CHKA: variants seen among roughly 807,000 people sequenced by gnomAD.
CHKA encodes the protein CHETK-alpha.
A neutral mutation model predicts 60.1 loss-of-function variants in CHKA; 34 were observed. The ratio of observed to expected loss-of-function variants is 0.57; its 90% confidence interval spans 0.43 to 0.75. The LOEUF (loss-of-function observed/expected upper bound fraction) is 0.75, where lower values mean the gene tolerates loss of function less well. CHKA is among the 30% of genes least tolerant of loss of function. The pLI, the probability that CHKA is intolerant of heterozygous loss-of-function variation, is 0.00. For missense variants in CHKA, 563 were observed against 561.3 expected (o/e 1.00, Z -0.03); for synonymous variants, 217 against 223.1 (o/e 0.97, Z 0.24).
chr11:68,064,449 T>C, intron 10 of CHKA, 76 bp downstream of exon 10: 3 of 689,494 alleles, frequency 4.4e-6, no homozygotes, highest in Non-Finnish European at 7.2e-6. Flanking sequence ...TACTCCTAAT[T>C]GCAAGTCAGC....
chr11:68,119,345 GA>G (rs369739738), intron 1 of CHKA, among the ~76,000 whole-genome samples: 78 of 152,314 alleles, frequency 5.1e-4, no homozygotes, highest in African/African-American at 1.8e-3. Flanking sequence ...AGTGGGCACA[GA>G]AAAGGAATCA....
At position 68,098,590 on chromosome 11, in the gene CHKA, G is replaced by C. The variant is rs149492682; in HGVS notation, c.351-1460C>G. Reference sequence around the variant, plus strand: ...CTGGAGACGGATGGTGGTGATGGCAGCACAACAATGAATGTACTTAATGCC... The same window carrying C: ...CTGGAGACGGATGGTGGTGATGGCACCACAACAATGAATGTACTTAATGCC... On this transcript the variant is annotated intron_variant, in intron 1 of 11. Transcript: ENST00000265689. Among the ~76,000 whole-genome samples, 714 of 152,284 alleles carry C rather than the reference G, an allele frequency of 4.7e-3. 6 individuals are homozygous for C. The highest frequency in any genetic ancestry group is 0.017 in the African/African-American group (692 of 41,554).
chr11:68,067,887 A>G (rs998121417), intron 7 of CHKA, among the ~76,000 whole-genome samples: 2 of 152,216 alleles, frequency 1.3e-5, no homozygotes, highest in Non-Finnish European at 2.9e-5. Flanking sequence ...ACGAGTCTTC[A>G]TGAGAAACTG....
intron 2 of CHKA, among the ~76,000 whole-genome samples, chr11:68,090,861 T>C (rs1356307168): frequency 6.6e-6 from 1 of 152,160 alleles, no homozygotes; most frequent in African/African-American, 2.4e-5. Context: ...ATCTCTCCAC[T>C]CATGCACAGA....
intron 4 of CHKA, among the ~76,000 whole-genome samples, chr11:68,071,482 G>A (rs894620908): frequency 9.9e-5 from 15 of 152,226 alleles, no homozygotes; most frequent in African/African-American, 2.4e-4. Context: ...AAATCAGCCC[G>A]AGGCCATGCT....
intron 1 of CHKA, among the ~76,000 whole-genome samples, chr11:68,114,310 T>C (rs146676304): frequency 0.01 from 1,599 of 152,310 alleles, 12 homozygotes; most frequent in Non-Finnish European, 0.015. Flanking sequence ...AACCCAGATG[T>C]CCTTCAGTAG....
chr11:68,066,964 G>A (rs1349532310), intron 7 of CHKA, among the ~76,000 whole-genome samples: 1 of 152,164 alleles, frequency 6.6e-6, no homozygotes, highest in Non-Finnish European at 1.5e-5. Context: ...CTCCTGGTAA[G>A]AAAGGCAAGG....
intron 2 of CHKA, 171 bp from the exon 3 acceptor site, chr11:68,081,628 A>G (rs1856992249): frequency 5.2e-6 from 3 of 577,192 alleles, no homozygotes; most frequent in South Asian, 4.1e-5. Flanking sequence ...AGCCTCCAGC[A>G]CTAGTACCAA....
chr11:68,112,759 A>G (rs1291035085), intron 1 of CHKA, among the ~76,000 whole-genome samples: 1 of 152,210 alleles, frequency 6.6e-6, no homozygotes, highest in Non-Finnish European at 1.5e-5. Context: ...CTTAAAACTC[A>G]AGAATAGGAA....
chr11:68,064,424 G>T, intron 10 of CHKA, 101 bp downstream of exon 10: 6 of 548,274 alleles, frequency 1.1e-5, no homozygotes, highest in East Asian at 3.6e-5. Flanking sequence ...AAAAAAAGAA[G>T]AAGAAGCTCT....
intron 1 of CHKA, among the ~76,000 whole-genome samples, chr11:68,120,379 G>T (rs1022494840): frequency 6.6e-6 from 1 of 152,182 alleles, no homozygotes; most frequent in African/African-American, 2.4e-5. Flanking sequence ...CTTGGAGAGG[G>T]AACAAGACAT....
intron 4 of CHKA, among the ~76,000 whole-genome samples, chr11:68,072,417 C>A (rs1431374575): frequency 6.6e-6 from 1 of 151,888 alleles, no homozygotes; most frequent in South Asian, 2.1e-4. Flanking sequence ...CATGGTGGCA[C>A]GTGCCTGTAG....
chr11:68,084,861 T>G (rs1857130905), intron 2 of CHKA, among the ~76,000 whole-genome samples: 1 of 152,118 alleles, frequency 6.6e-6, no homozygotes, highest in Non-Finnish European at 1.5e-5. Context: ...TTCATTATAC[T>G]CTTCTACTTT....
At chr11:68,085,271 T>A (rs997070499) in intron 2 of CHKA, among the ~76,000 whole-genome samples, 15 of 152,300 alleles carry the variant, frequency 9.8e-5, no homozygotes, top group Admixed American at 3.9e-4. Flanking sequence ...TCTCTCAGGT[T>A]GGAGTGCAGT....
Position 68,054,027 on chromosome 11 carries a change from A to C in CHKA, c.1335T>G (p.Phe445Leu). 6.2e-7 allele frequency: 1 copy of C among 1,613,516 alleles called. No individual in the cohort carries two copies. The highest frequency in any genetic ancestry group is 8.5e-7 in the Non-Finnish European group (1 of 1,179,778). The change falls in exon 12 of 12, where the codon TTT (phenylalanine) becomes TTG (leucine). Residue 445 changes from phenylalanine (F) to leucine (L), a missense_variant. Phe to Leu is a conservative substitution (Grantham distance 22). Transcript: ENST00000265689. Reference protein sequence around the residue: ...FGYMDYAQARFDAYFHQKRKL... With the variant: ...FGYMDYAQARLDAYFHQKRKL... ...TCCTCTTCTGGTGGAAATAGGCATC[A>C]AACCTTGCTTGGGCGTAGTCCTAGG... is the stretch of plus-strand genomic sequence containing the variant.
At chr11:68,105,397 C>T (rs1857874526) in intron 1 of CHKA, among the ~76,000 whole-genome samples, 2 of 151,216 alleles carry the variant, frequency 1.3e-5, no homozygotes, top group South Asian at 2.1e-4. Flanking sequence ...CACCTATAGT[C>T]CCAACTACTC....
chr11:68,088,288 T>C (rs893961268), intron 2 of CHKA, among the ~76,000 whole-genome samples: 6 of 152,058 alleles, frequency 3.9e-5, no homozygotes, highest in Non-Finnish European at 8.8e-5. Flanking sequence ...ACCCTGAGAA[T>C]AGGAGGATAT....
intron 2 of CHKA, among the ~76,000 whole-genome samples, chr11:68,093,946 A>C (rs1857426909): frequency 6.6e-6 from 1 of 152,216 alleles, no homozygotes; most frequent in Non-Finnish European, 1.5e-5. Context: ...CGAGTGTATC[A>C]GACAGCACAG....
At chr11:68,058,233 G>T (rs1440001444) in intron 11 of CHKA, among the ~76,000 whole-genome samples, 1 of 152,188 alleles carries the variant, frequency 6.6e-6, no homozygotes, top group African/African-American at 2.4e-5. Context: ...CTTGACTTCT[G>T]TGCTTCAGAG....
Sources: gnomAD v4.1 joint callset for allele counts (sites outside exome capture counted in the v4.1 genomes callset) on GRCh38, gnomAD v4.1.1 for gene constraint, MANE v1.5 for transcripts, NCBI Gene and HGNC (gene_info 2026-07-23, HGNC 2026-07-21) for gene names.